Variants in NCK2 observed in about 807,000 individuals in gnomAD.
The protein encoded by NCK2 is cytoplasmic protein NCK2.
Under a neutral mutation model 33.9 loss-of-function variants are expected in NCK2, and 16 were observed. The ratio of observed to expected loss-of-function variants is 0.47; its 90% confidence interval spans 0.32 to 0.72. NCK2 has a LOEUF of 0.72. Ranked by LOEUF, NCK2 falls within the 30% of genes least tolerant of loss-of-function variation. NCK2 has a pLI of 0.03. For synonymous variants in NCK2, 273 were observed against 239.9 expected (o/e 1.14, Z -1.27); for missense variants, 418 against 537.3 (o/e 0.78, Z 2.19).
intron 4 of NCK2, among the ~76,000 whole-genome samples, chr2:105,882,532 G>A (rs1678548983): frequency 6.6e-6 from 1 of 152,186 alleles, no homozygotes; most frequent in Non-Finnish European, 1.5e-5. Context: ...GCCACGGCAG[G>A]CAGCGCCACT....
At chr2:105,862,823 G>C (rs976879026) in intron 3 of NCK2, among the ~76,000 whole-genome samples, 1 of 152,184 alleles carries the variant, frequency 6.6e-6, no homozygotes, top group Non-Finnish European at 1.5e-5. Flanking sequence ...ATTTTCCTGT[G>C]CACTAAAAGA....
intron 1 of NCK2, among the ~76,000 whole-genome samples, chr2:105,793,652 A>G (rs1054518846): frequency 6.6e-6 from 1 of 152,226 alleles, no homozygotes; most frequent in Admixed American, 6.5e-5. Flanking sequence ...CTGATTTAAG[A>G]TACTTTGTGT....
chr2:105,802,011 C>T (rs1198993288), intron 1 of NCK2, among the ~76,000 whole-genome samples: 2 of 152,176 alleles, frequency 1.3e-5, no homozygotes, highest in African/African-American at 4.8e-5. Context: ...CCTGCTGGTT[C>T]AGTGCTCCTC....
chr2:105,832,308 G>T (rs1223516028), intron 2 of NCK2, among the ~76,000 whole-genome samples: 2 of 152,086 alleles, frequency 1.3e-5, no homozygotes, highest in African/African-American at 2.4e-5. Context: ...CAGTATGACT[G>T]CTTTTTCTTT....
intron 1 of NCK2, among the ~76,000 whole-genome samples, chr2:105,755,464 T>C (rs571770221): frequency 6.6e-6 from 1 of 152,346 alleles, no homozygotes; most frequent in African/African-American, 2.4e-5. Flanking sequence ...TGCAGCCGAT[T>C]CCGTCTTCCA....
chr2:105,861,273 T>G (rs1677520510), intron 3 of NCK2, among the ~76,000 whole-genome samples: 1 of 152,166 alleles, frequency 6.6e-6, no homozygotes. Flanking sequence ...TAACAATAGA[T>G]GCCCTTACAA....
intron 2 of NCK2, among the ~76,000 whole-genome samples, chr2:105,822,460 G>A (rs1675777944): frequency 6.6e-6 from 1 of 151,992 alleles, no homozygotes; most frequent in African/African-American, 2.4e-5. Context: ...GTGTGCTGAG[G>A]CCATCTCTAA....
intron 3 of NCK2, chr2:105,856,582 C>A (rs537199665): frequency 6.6e-6 from 1 of 152,248 alleles, no homozygotes; most frequent in South Asian, 2.1e-4. Flanking sequence ...TCTTTTCTGC[C>A]ATGTTGAAAA....
chr2:105,855,257 G>GCTCCCT lies in NCK2; in HGVS notation c.196_201dup (p.Ser66_Leu67dup). The GCTCCCT allele has an allele frequency of 6.2e-7, 1 of 1,610,838 alleles. No homozygotes were observed. Among genetic ancestry groups the GCTCCCT allele is most frequent in the Non-Finnish European group, 8.5e-7 (1 of 1,178,510 alleles). On this transcript the variant is annotated inframe_insertion, in exon 3 of 5. Transcript: ENST00000233154. Reference sequence around the variant, plus strand: ...GAGCGGAAGAACAGCCTGAAGAAGGGCTCCCTCGTGAAGAACCTGAAGGAC... The same window carrying GCTCCCT: ...GAGCGGAAGAACAGCCTGAAGAAGGGCTCCCTCTCCCTCGTGAAGAACCTGAAGGAC...
chr2:105,792,770 C>T (rs1690937325), intron 1 of NCK2, among the ~76,000 whole-genome samples: 1 of 152,144 alleles, frequency 6.6e-6, no homozygotes, highest in Non-Finnish European at 1.5e-5. Flanking sequence ...GCAAGGCTGC[C>T]CCTTAGGTGG....
At chr2:105,845,079 G>T (rs1231596772) in intron 2 of NCK2, among the ~76,000 whole-genome samples, 1 of 152,038 alleles carries the variant, frequency 6.6e-6, no homozygotes, top group South Asian at 2.1e-4. Flanking sequence ...GTGCAGAGGG[G>T]CTTTCTATAA....
chr2:105,747,956 C>G (rs1010559998), intron 1 of NCK2, among the ~76,000 whole-genome samples: 2 of 150,270 alleles, frequency 1.3e-5, no homozygotes, highest in Non-Finnish European at 2.9e-5. Context: ...AAATTAGACT[C>G]TTTTCTTTTC....
intron 1 of NCK2, among the ~76,000 whole-genome samples, chr2:105,790,260 T>C (rs1350218681): frequency 6.6e-6 from 1 of 152,234 alleles, no homozygotes; most frequent in Non-Finnish European, 1.5e-5. Flanking sequence ...AATGACAGAC[T>C]CGTTTCTTGG....
At chr2:105,856,340 C>G (rs1282767724) in intron 3 of NCK2, among the ~76,000 whole-genome samples, 1 of 150,274 alleles carries the variant, frequency 6.7e-6, no homozygotes, top group East Asian at 2.0e-4. Context: ...AACGTTGTTA[C>G]CTTCTTATGA....
intron 3 of NCK2, among the ~76,000 whole-genome samples, chr2:105,879,267 C>A (rs534245176): frequency 1.3e-5 from 2 of 152,236 alleles, no homozygotes; most frequent in African/African-American, 2.4e-5. Context: ...GTAGCCCTCA[C>A]GCCCCGGCTT....
intron 2 of NCK2, among the ~76,000 whole-genome samples, chr2:105,837,678 A>G (rs1676484260): frequency 6.6e-6 from 1 of 152,216 alleles, no homozygotes; most frequent in South Asian, 2.1e-4. Flanking sequence ...ATAAGCCCAC[A>G]TTGGTTCCAA....
chr2:105,825,290 C>G (rs2104508039), intron 2 of NCK2, among the ~76,000 whole-genome samples: 1 of 152,334 alleles, frequency 6.6e-6, no homozygotes, highest in East Asian at 1.9e-4. Context: ...GCCTTCTACT[C>G]TAAGGGCTTT....
At chr2:105,891,600 G>A (rs1312182104) in intron 4 of NCK2, among the ~76,000 whole-genome samples, 2 of 123,548 alleles carry the variant, frequency 1.6e-5, no homozygotes, top group African/African-American at 6.3e-5. Context: ...CCAGACCAGA[G>A]TGCAGTGGCG....
intron 3 of NCK2, among the ~76,000 whole-genome samples, chr2:105,862,749 A>G (rs973406041): frequency 6.6e-6 from 1 of 152,234 alleles, no homozygotes; most frequent in Admixed American, 6.5e-5. Flanking sequence ...GTAATGGAAC[A>G]TCGTCTTGGC....
Sources: allele counts gnomAD v4.1 joint callset (sites outside exome capture counted in the v4.1 genomes callset), GRCh38; gene constraint gnomAD v4.1.1; transcripts MANE v1.5; gene names NCBI Gene and HGNC (gene_info 2026-07-23, HGNC 2026-07-21).